Variants in NLGN1 observed in about 807,000 individuals in gnomAD.
The protein encoded by NLGN1 is neuroligin-1.
Under a neutral mutation model 65.5 loss-of-function variants are expected in NLGN1, and 12 were observed. The ratio of observed to expected loss-of-function variants is 0.18; its 90% confidence interval spans 0.12 to 0.30. NLGN1 has a LOEUF of 0.30. NLGN1 is among the 10% of genes least tolerant of loss of function. The pLI is 1.00. For missense variants in NLGN1, 750 were observed against 1,007.1 expected (o/e 0.74, Z 3.46); for synonymous variants, 350 against 359.5 (o/e 0.97, Z 0.30).
At chr3:173,509,986 G>T (rs776392151) in intron 2 of NLGN1, among the ~76,000 whole-genome samples, 1 of 152,174 alleles carries the variant, frequency 6.6e-6, no homozygotes, top group African/African-American at 2.4e-5. Flanking sequence ...GTATGCTTCA[G>T]TGCACAGAAC....
intron 4 of NLGN1, among the ~76,000 whole-genome samples, chr3:173,995,470 T>G (rs903805930): frequency 6.6e-6 from 1 of 152,176 alleles, no homozygotes; most frequent in African/African-American, 2.4e-5. Context: ...GAGACTGAGC[T>G]GAAATAGGTC....
intron 4 of NLGN1, among the ~76,000 whole-genome samples, chr3:173,925,716 G>A (rs1742877632): frequency 6.6e-6 from 1 of 152,048 alleles, no homozygotes; most frequent in Non-Finnish European, 1.5e-5. Flanking sequence ...TGGATCTGTT[G>A]ACAAACATAT....
chr3:174,206,296 C>T (rs1421419), intron 4 of NLGN1, among the ~76,000 whole-genome samples: 1 of 152,032 alleles, frequency 6.6e-6, no homozygotes, highest in Non-Finnish European at 1.5e-5. Flanking sequence ...GTGACAGGGG[C>T]GAAATCAGAT....
At chr3:174,089,960 A>G (rs56040787) in intron 4 of NLGN1, among the ~76,000 whole-genome samples, 3,475 of 151,640 alleles carry the variant, frequency 0.023, 57 homozygotes, top group Non-Finnish European at 0.028. Context: ...TACAATCACT[A>G]TATCTAGAGT....
chr3:173,874,192 T>C (rs529577967), intron 4 of NLGN1, among the ~76,000 whole-genome samples: 1 of 152,214 alleles, frequency 6.6e-6, no homozygotes, highest in African/African-American at 2.4e-5. Context: ...AGTGACTCTC[T>C]TTTCATATTG....
In NLGN1 at chr3:173,475,034, A is replaced by G. The variant is rs1252988078; in HGVS notation, c.-321+39956A>G. Among the ~76,000 whole-genome samples, 7 of 152,192 alleles carry G rather than the reference A, an allele frequency of 4.6e-5. No homozygotes were observed. In the East Asian group the frequency reaches 1.3e-3, roughly 29 times the overall value. On this transcript the variant is annotated intron_variant, in intron 2 of 6. Coordinates refer to ENST00000457714, the Ensembl canonical transcript of NLGN1. ...TATGATTCTGATACTATGAAATTTT[A>G]TGCAATCTAAAAATAGTTTTTATAT...
intron 4 of NLGN1, among the ~76,000 whole-genome samples, chr3:174,125,390 T>C (rs1271833895): frequency 6.6e-6 from 1 of 152,122 alleles, no homozygotes; most frequent in Non-Finnish European, 1.5e-5. Context: ...TGACTGTATA[T>C]GAGCACAAGG....
At chr3:174,046,419 T>C (rs1026964146) in intron 4 of NLGN1, among the ~76,000 whole-genome samples, 1 of 152,206 alleles carries the variant, frequency 6.6e-6, no homozygotes, top group Admixed American at 6.5e-5. Flanking sequence ...TTTTGCCTCT[T>C]GTAGCTCTAC....
At chr3:173,683,439 G>A (rs779166829) in intron 3 of NLGN1, among the ~76,000 whole-genome samples, 4 of 152,112 alleles carry the variant, frequency 2.6e-5, no homozygotes, top group Non-Finnish European at 5.9e-5. Flanking sequence ...CACTACTGAG[G>A]ATATGGAACT....
chr3:173,854,981 T>C (rs2150761949), intron 4 of NLGN1, among the ~76,000 whole-genome samples: 2 of 152,260 alleles, frequency 1.3e-5, no homozygotes, highest in South Asian at 4.1e-4. Context: ...AAGAATTATT[T>C]TTTACAGAGC....
At chr3:173,922,929 A>C (rs1742316915) in intron 4 of NLGN1, among the ~76,000 whole-genome samples, 2 of 152,222 alleles carry the variant, frequency 1.3e-5, no homozygotes, top group Non-Finnish European at 1.5e-5. Flanking sequence ...TCCACTTCAT[A>C]AGCCTGTTCT....
chr3:173,461,607 A>T (rs1374931155), intron 2 of NLGN1, among the ~76,000 whole-genome samples: 3 of 152,170 alleles, frequency 2.0e-5, no homozygotes, highest in Non-Finnish European at 4.4e-5. Context: ...CAACATCAAT[A>T]CCACTAACTT....
intron 4 of NLGN1, among the ~76,000 whole-genome samples, chr3:174,082,079 G>A (rs969138237): frequency 5.9e-5 from 9 of 152,150 alleles, no homozygotes; most frequent in African/African-American, 1.9e-4. Context: ...CTTTCCTAGT[G>A]ATGTCATTAA....
chr3:173,929,423 T>TGCA (rs1743628719), intron 4 of NLGN1, among the ~76,000 whole-genome samples: 1 of 152,200 alleles, frequency 6.6e-6, no homozygotes, highest in African/African-American at 2.4e-5. Flanking sequence ...CAAAGGATAT[T>TGCA]GCAGGTTGTC....
At chr3:173,405,857 C>T (rs761410989) in intron 1 of NLGN1, among the ~76,000 whole-genome samples, 1 of 151,832 alleles carries the variant, frequency 6.6e-6, no homozygotes, top group Non-Finnish European at 1.5e-5. Context: ...TATGTTTAGG[C>T]TAATTAAAAT....
At chr3:173,598,425 TATCTAATC>T (rs144822387) in intron 2 of NLGN1, among the ~76,000 whole-genome samples, 3,781 of 152,266 alleles carry the variant, frequency 0.025, 166 homozygotes, top group African/African-American at 0.085. Context: ...TTAGTTCCCT[TATCTAATC>T]ATCTTGTGGT....
chr3:173,749,869 A>C (rs1776075470), intron 3 of NLGN1, among the ~76,000 whole-genome samples: 1 of 152,064 alleles, frequency 6.6e-6, no homozygotes, highest in Non-Finnish European at 1.5e-5. Flanking sequence ...ACTATATTAC[A>C]TTCCAGTCTT....
intron 2 of NLGN1, among the ~76,000 whole-genome samples, chr3:173,599,117 G>A (rs2149427813): frequency 6.6e-6 from 1 of 152,202 alleles, no homozygotes; most frequent in African/African-American, 2.4e-5. Context: ...TTACTAGCTG[G>A]AGGTAGACTT....
intron 4 of NLGN1, among the ~76,000 whole-genome samples, chr3:173,816,550 C>G (rs1427346819): frequency 6.6e-6 from 1 of 152,206 alleles, no homozygotes; most frequent in Non-Finnish European, 1.5e-5. Flanking sequence ...CTTTTAAAAA[C>G]CTGCATTATA....
Sources: gnomAD v4.1 joint callset for allele counts (sites outside exome capture counted in the v4.1 genomes callset) on GRCh38, gnomAD v4.1.1 for gene constraint, MANE v1.5 for transcripts, NCBI Gene and HGNC (gene_info 2026-07-23, HGNC 2026-07-21) for gene names.